Variants in NOTCH1 observed in about 807,000 individuals in gnomAD.
NOTCH1 encodes the protein notch receptor 1.
A neutral mutation model predicts 254.8 loss-of-function variants in NOTCH1; 37 were observed. The ratio of observed to expected loss-of-function variants is 0.15; its 90% confidence interval spans 0.11 to 0.19. NOTCH1 has a LOEUF of 0.19. Among genes scored for constraint, NOTCH1 ranks in the 10% least tolerant of loss-of-function variants. The pLI, the probability that NOTCH1 is intolerant of heterozygous loss-of-function variation, is 1.00. For missense variants in NOTCH1, 2,972 were observed against 3,708.6 expected (o/e 0.80, Z 5.16); for synonymous variants, 1,731 against 1,618.1 (o/e 1.07, Z -1.68).
At chr9:136,521,125 C>T (rs1843360688) in intron 4 of NOTCH1, among the ~76,000 whole-genome samples, 1 of 152,216 alleles carries the variant, frequency 6.6e-6, no homozygotes, top group Admixed American at 6.5e-5. Context: ...GAGGGCCCTT[C>T]AGGGGGCCTG....
At chr9:136,543,903 G>T in intron 2 of NOTCH1, 121 bp downstream of exon 2, 1 of 926,286 alleles carries the variant, frequency 1.1e-6, no homozygotes, top group South Asian at 1.4e-5. Context: ...GCACGTGACC[G>T]TGCCCAGACT....
chr9:136,510,462 A>G (rs922016572), intron 17 of NOTCH1, 191 bp downstream of exon 17: 70 of 692,868 alleles, frequency 1.0e-4, no homozygotes, highest in Non-Finnish European at 1.5e-4. Flanking sequence ...GGGAGGAGCA[A>G]GCCGGCTCTG....
Position 136,495,633 on chromosome 9 carries a change from C to T in NOTCH1, c.*438G>A, listed in dbSNP as rs534557033. ...CGTCGGGGAAAGGGCGCGGCCTGGA[C>T]GCCCCAGGAGCTTTTTGGACTATGC... is the stretch of plus-strand genomic sequence containing the variant. On this transcript the variant is annotated 3_prime_UTR_variant, in exon 34 of 34. Coordinates refer to ENST00000651671, the MANE Select transcript of NOTCH1 (RefSeq NM_017617.5). The T allele has an allele frequency of 8.0e-5, 32 of 401,646 alleles. No individual in the cohort carries two copies. Among genetic ancestry groups the T allele is most frequent in the African/African-American group, 8.2e-5 (4 of 48,758 alleles). The allele number at this position is 401,646 out of a possible 1,614,324, so 24.9% of individuals were successfully genotyped here. A position where few individuals can be genotyped will look rare whatever the true frequency, so the allele number is the denominator to read the frequency against.
chr9:136,520,810 G>A (rs3125011), intron 4 of NOTCH1, among the ~76,000 whole-genome samples: 5 of 151,768 alleles, frequency 3.3e-5, no homozygotes, highest in Non-Finnish European at 7.4e-5. Context: ...CCCCGGCTCC[G>A]AGGCAGATGG....
intron 2 of NOTCH1, among the ~76,000 whole-genome samples, chr9:136,526,915 G>A (rs1033024008): frequency 2.0e-5 from 3 of 152,222 alleles, no homozygotes; most frequent in African/African-American, 4.8e-5. Context: ...AGGCTCCCGT[G>A]GGGGAATGCA....
At chr9:136,509,674 T>A (rs1172958641) in intron 18 of NOTCH1, 59 bp downstream of exon 18, 2 of 1,509,258 alleles carry the variant, frequency 1.3e-6, no homozygotes, top group African/African-American at 1.4e-5. Context: ...GGCTGCCAGC[T>A]ACTGCGTGTG....
At chr9:136,543,714 G>C in intron 2 of NOTCH1, 1 of 517,880 alleles carries the variant, frequency 1.9e-6, no homozygotes, top group Non-Finnish European at 3.5e-6. Context: ...TCCCCTGGCA[G>C]ATCAACTGTT....
intron 5 of NOTCH1, 98 bp from the exon 6 acceptor site, chr9:136,518,922 C>T (rs1589069165): frequency 9.8e-7 from 1 of 1,017,484 alleles, no homozygotes; most frequent in Admixed American, 1.9e-5. Context: ...CTCCAGGAAG[C>T]CTTCCTGGGC....
Position 136,517,858 on chromosome 9 carries a change from C to T in NOTCH1, c.1335G>A (p.Thr445=), listed in dbSNP as rs564566136. 1.1e-5 allele frequency: 18 copies of T among 1,612,688 alleles called. No individual in the cohort carries two copies. Among genetic ancestry groups the T allele is most frequent in the African/African-American group, 6.7e-5 (5 of 75,048 alleles). The part of the protein sequence containing the change: ...SFECQCLQGY[T]GPRCEIDVNE... The stretch of plus-strand genomic sequence containing the variant: ...TGACGTCGATCTCGCATCGGGGGCC[C>T]GTGTAGCCCTGCAGACACTGGCACT... The change falls in exon 8 of 34, where the codon ACG becomes ACA. Residue 445 remains threonine (T), a synonymous_variant. Coordinates refer to ENST00000651671, the MANE Select transcript of NOTCH1 (RefSeq NM_017617.5).
chr9:136,506,404 A>T lies in NOTCH1; in HGVS notation c.4014+123T>A. 1.4e-6 allele frequency: 1 copy of T among 694,500 alleles called. No individual in the cohort carries two copies. Among genetic ancestry groups the T allele is most frequent in the Non-Finnish European group, 2.4e-6 (1 of 417,076 alleles). 43.0% of individuals were successfully genotyped at this position (694,500 alleles called of 1,614,324 possible). Reference sequence around the variant, plus strand: ...AAACTAAAAAAAAAAAAAAGACATCAGGGTGAGGAGGAGGATGAAGGCCGG... The same window carrying T: ...AAACTAAAAAAAAAAAAAAGACATCTGGGTGAGGAGGAGGATGAAGGCCGG... On this transcript the variant is annotated intron_variant, in intron 24 of 33. Coordinates refer to ENST00000651671, the MANE Select transcript of NOTCH1 (RefSeq NM_017617.5). The surrounding 1 kb of genome is among the most constrained non-coding windows in gnomAD (Gnocchi z 4.5).
intron 3 of NOTCH1, 66 bp downstream of exon 3, chr9:136,523,651 A>G: frequency 6.5e-7 from 1 of 1,547,030 alleles, no homozygotes; most frequent in Non-Finnish European, 8.7e-7. Context: ...AAGTACCTCA[A>G]GTTGCCTGGG....
In NOTCH1 at chr9:136,513,405, C is replaced by T. The variant is rs767935604; in HGVS notation, c.2340G>A (p.Arg780=). The change falls in exon 14 of 34, where the codon CGG becomes CGA. Residue 780 remains arginine, a synonymous_variant. Coordinates refer to ENST00000651671, the MANE Select transcript of NOTCH1 (RefSeq NM_017617.5). The surrounding 1 kb of genome is among the most constrained non-coding windows in gnomAD (Gnocchi z 4.7). Reference sequence around the variant, plus strand: ...CAGCCCACTCACCGCTGAAGCCCTCCCGGCAGGTGCACACGTAGCCACTGG... The same window carrying T: ...CAGCCCACTCACCGCTGAAGCCCTCTCGGCAGGTGCACACGTAGCCACTGG... ...DMTSGYVCTC[R]EGFSGPNCQT... is the part of the protein sequence containing the mutation. 1.1e-5 allele frequency: 17 copies of T among 1,612,800 alleles called. 2 individuals carry two copies. The Admixed American group carries it at 2.2e-4, about 21-fold the overall frequency.
intron 2 of NOTCH1, among the ~76,000 whole-genome samples, chr9:136,525,368 C>T (rs1426873675): frequency 6.6e-6 from 1 of 152,092 alleles, no homozygotes; most frequent in Non-Finnish European, 1.5e-5. Context: ...ATCTCCGGCC[C>T]CAGTCACCTC....
chr9:136,495,954 T>C lies in NOTCH1; in HGVS notation c.*117A>G. On this transcript the variant is annotated 3_prime_UTR_variant, in exon 34 of 34. Coordinates refer to ENST00000651671, the MANE Select transcript of NOTCH1 (RefSeq NM_017617.5). ...AAAAAATTAAAATCCTCGTTCTTAT[T>C]TTGTATAAAAACATGTGTTTTAAAA... 9.1e-7 allele frequency: 1 copy of C among 1,094,426 alleles called. No homozygotes were observed. Among genetic ancestry groups the C allele is most frequent in the Non-Finnish European group, 1.3e-6 (1 of 783,430 alleles). The allele number at this position is 1,094,426 out of a possible 1,614,324, so 67.8% of individuals were successfully genotyped here. A position where few individuals can be genotyped will look rare whatever the true frequency, so the allele number is the denominator to read the frequency against.
chr9:136,505,345 G>A lies in NOTCH1; in HGVS notation c.4551C>T (p.Asp1517=), dbSNP rs766737406. The change falls in exon 25 of 34, where the codon GAC becomes GAT. Residue 1517 remains aspartate (D), a synonymous_variant. Coordinates refer to ENST00000651671, the MANE Select transcript of NOTCH1 (RefSeq NM_017617.5). The part of the protein sequence containing the change: ...SQCNSAGCLF[D]GFDCQRAEGQ... Reference sequence around the variant, plus strand: ...CTTCCGCACGCTGGCAGTCAAAGCCGTCGAAGAGGCAGCCGGCTGAGTTGC... The same window carrying A: ...CTTCCGCACGCTGGCAGTCAAAGCCATCGAAGAGGCAGCCGGCTGAGTTGC... 9.3e-5 allele frequency: 149 copies of A among 1,600,542 alleles called. No individual in the cohort carries two copies. Among genetic ancestry groups the A allele is most frequent in the Non-Finnish European group, 1.2e-4 (141 of 1,174,154 alleles).
In NOTCH1 at chr9:136,513,800, A is replaced by G. The variant is rs915874391; in HGVS notation, c.2208-263T>C. On this transcript the variant is annotated intron_variant, in intron 13 of 33. Transcript: ENST00000651671. This position sits in a 1 kb window ranked among gnomAD's most constrained non-coding sequence, Gnocchi z 4.7. Reference sequence around the variant, plus strand: ...ATGGCGAAACTCCCCCACCCCATATATACTAAAAATACAAAAATTAGCCAG... The same window carrying G: ...ATGGCGAAACTCCCCCACCCCATATGTACTAAAAATACAAAAATTAGCCAG... Among the ~76,000 whole-genome samples the G allele has an allele frequency of 2.0e-5, 3 of 152,152 alleles. No individual in the cohort carries two copies. The highest frequency in any genetic ancestry group is 6.5e-5 in the Admixed American group (1 of 15,280).
intron 32 of NOTCH1, 51 bp from the exon 33 acceptor site, chr9:136,499,047 C>T (rs767624608): frequency 3.6e-5 from 58 of 1,612,526 alleles, no homozygotes; most frequent in Admixed American, 1.5e-4. Flanking sequence ...GGAGGCAACC[C>T]AGTCCCACCC....
Position 136,513,164 on chromosome 9 carries a change from T to G in NOTCH1, c.2354-30A>C, listed in dbSNP as rs1197551470. The G allele has an allele frequency of 1.3e-6, 2 of 1,575,982 alleles. No homozygotes were observed. Among genetic ancestry groups the G allele is most frequent in the Non-Finnish European group, 1.7e-6 (2 of 1,146,718 alleles). ...AGGGAAGGGGACAGCACTCGGCATG[T>G]CCAGCACTCCCAGGCACCTTGGCAG... On this transcript the variant is annotated intron_variant, in intron 14 of 33. Coordinates refer to ENST00000651671, the MANE Select transcript of NOTCH1 (RefSeq NM_017617.5). The surrounding 1 kb of genome is among the most constrained non-coding windows in gnomAD (Gnocchi z 4.7).
chr9:136,532,695 T>C (rs915088794), intron 2 of NOTCH1, among the ~76,000 whole-genome samples: 4 of 152,212 alleles, frequency 2.6e-5, no homozygotes, highest in Non-Finnish European at 5.9e-5. Flanking sequence ...TCAGGAGCCC[T>C]GGGGGACACT....
Sources: allele counts gnomAD v4.1 joint callset (sites outside exome capture counted in the v4.1 genomes callset), GRCh38; gene constraint gnomAD v4.1.1; non-coding constraint Gnocchi (gnomAD v3.1); transcripts MANE v1.5; gene names NCBI Gene and HGNC (gene_info 2026-07-23, HGNC 2026-07-21).